The following AKT1 variants were observed in gnomAD, a reference collection of about 807,000 sequenced individuals.
The protein encoded by AKT1 is RAC-alpha serine/threonine-protein kinase.
Under a neutral mutation model 63.1 loss-of-function variants are expected in AKT1, and 21 were observed. The observed-to-expected ratio is 0.33, with a 90% CI of 0.24 to 0.48. The LOEUF (loss-of-function observed/expected upper bound fraction) is 0.48, where lower values mean the gene tolerates loss of function less well. Ranked by LOEUF, AKT1 falls within the 20% of genes least tolerant of loss-of-function variation. AKT1 has a pLI of 0.99. For missense variants in AKT1, 382 were observed against 666.0 expected, an observed-to-expected ratio of 0.57 and a Z score of 4.69; for synonymous variants, 257 against 253.1, an observed-to-expected ratio of 1.02 and a Z score of -0.15.
At chr14:104,775,423 G>A (rs1311615894) in intron 6 of AKT1, 6 of 1,100,028 alleles carry the variant, frequency 5.5e-6, no homozygotes, top group Non-Finnish European at 6.3e-6. Flanking sequence ...AGGGAAGGGT[G>A]GGGTAACATT....
At chr14:104,778,790 G>A (rs746492130) in intron 4 of AKT1, among the ~76,000 whole-genome samples, 3 of 152,202 alleles carry the variant, frequency 2.0e-5, no homozygotes, top group Non-Finnish European at 4.4e-5. Context: ...TCGGAGGACC[G>A]CAGGCCTCAA....
At chr14:104,782,532 G>A (rs1381176124) in intron 3 of AKT1, among the ~76,000 whole-genome samples, 1 of 152,190 alleles carries the variant, frequency 6.6e-6, no homozygotes, top group Admixed American at 6.5e-5. Context: ...GGTGCGGGAG[G>A]GGCAGGCCCA....
intron 2 of AKT1, 43 bp from the exon 3 acceptor site, chr14:104,792,765 T>C: frequency 8.0e-7 from 1 of 1,251,990 alleles, no homozygotes; most frequent in Non-Finnish European, 1.2e-6. Flanking sequence ...CACGCCTGGC[T>C]AAGGGCAGCT....
At position 104,773,922 on chromosome 14, in the gene AKT1, T is replaced by C. The variant is rs1595243377; in HGVS notation, c.692A>G (p.Asn231Ser). 1 of 1,611,100 alleles carries C rather than the reference T, an allele frequency of 6.2e-7. No individual in the cohort carries two copies. Residue 231 changes from asparagine (N) to serine (S), a missense_variant, in exon 9 of 15, where the codon AAC becomes AGC. Around this residue, in one of 3 missense-constraint regions of AKT1, gnomAD observed 226 missense variants for 366.4 expected, o/e 0.62. Transcript: ENST00000649815. Reference sequence around the variant, plus strand: ...AGCCCCAGCCCCTACCTCGCCCCCGTTGGCGTACTCCATGACAAAGCAGAG... The same window carrying C: ...AGCCCCAGCCCCTACCTCGCCCCCGCTGGCGTACTCCATGACAAAGCAGAG... ...DRLCFVMEYANGGELFFHLSR... is the reference protein window; with the variant it reads ...DRLCFVMEYASGGELFFHLSR...
At chr14:104,787,136 T>A (rs1893373812) in intron 3 of AKT1, among the ~76,000 whole-genome samples, 2 of 152,122 alleles carry the variant, frequency 1.3e-5, no homozygotes, top group Non-Finnish European at 2.9e-5. Flanking sequence ...GAGTCACCCA[T>A]GAACTCCCAA....
chr14:104,780,119 A>G lies in AKT1; in HGVS notation c.144T>C (p.Arg48=), dbSNP rs1411925087. 1.9e-6 allele frequency: 3 copies of G among 1,613,656 alleles called. No homozygotes were observed. ...CAGAGAAGTTGTTGAGGGGAGCCTC[A>G]CGTTGGTCCACATCCTGCGGCCGCT... ...YKERPQDVDQ[R]EAPLNNFSVA... The change falls in exon 4 of 15, where the codon CGT becomes CGC. Residue 48 remains arginine (R), a synonymous_variant. Transcript: ENST00000649815.
intron 3 of AKT1, among the ~76,000 whole-genome samples, chr14:104,784,058 C>T (rs1308359495): frequency 1.3e-5 from 2 of 152,152 alleles, no homozygotes; most frequent in African/African-American, 4.8e-5. Context: ...CGGTCCCACC[C>T]TCCTGCCCCA....
chr14:104,777,822 G>A (rs1055876472), intron 4 of AKT1: 6 of 654,590 alleles, frequency 9.2e-6, no homozygotes, highest in Non-Finnish European at 1.1e-5. Context: ...GGGCCAGGAG[G>A]GGGCTCGGGA....
At chr14:104,794,706 G>C (rs1160814952) in intron 1 of AKT1, among the ~76,000 whole-genome samples, 1 of 152,228 alleles carries the variant, frequency 6.6e-6, no homozygotes, top group South Asian at 2.1e-4. Context: ...AAGCAGTCAA[G>C]AAGTGGCCAC....
intron 11 of AKT1, 46 bp from the exon 12 acceptor site, chr14:104,773,138 G>C: frequency 6.2e-7 from 1 of 1,611,562 alleles, no homozygotes; most frequent in Non-Finnish European, 8.5e-7. Flanking sequence ...AGGGGTGTCC[G>C]GGACACTGCC....
chr14:104,780,643 C>T (rs530346826), intron 3 of AKT1, among the ~76,000 whole-genome samples: 1 of 152,338 alleles, frequency 6.6e-6, no homozygotes, highest in South Asian at 2.1e-4. Flanking sequence ...ACAGCATTCC[C>T]CAATCAACCA....
chr14:104,777,227 G>GGGC lies in AKT1; in HGVS notation c.176-458_176-457insGCC, dbSNP rs1892768800. 7.2e-5 allele frequency: 16 copies of GGGC among 220,988 alleles called. 3 individuals carry two copies. The highest frequency in any genetic ancestry group is 6.1e-4 in the South Asian group (13 of 21,230). 13.7% of individuals were successfully genotyped at this position (220,988 alleles called of 1,614,324 possible). On this transcript the variant is annotated intron_variant, in intron 4 of 14. Transcript: ENST00000649815. ...AGTACCTGGGAAATACAGCCACCTGGAGCACACCCACACCTGGGGCACACC... is the reference window on the plus strand; with the variant it reads ...AGTACCTGGGAAATACAGCCACCTGGGGCAGCACACCCACACCTGGGGCACACC...
chr14:104,778,070 C>G (rs1261521182), intron 4 of AKT1: 1 of 152,774 alleles, frequency 6.5e-6, no homozygotes, highest in East Asian at 1.9e-4. Context: ...TGGCCAGGCG[C>G]TCCAGGCCAC....
rs1893849685 is a variant in AKT1 at position 104,795,515 on chromosome 14, C to T, written c.-289G>A. On this transcript the variant is annotated 5_prime_UTR_variant, in exon 1 of 15. An upstream open reading frame in the 5' UTR loses its in-frame stop. Coordinates refer to ENST00000649815, the MANE Select transcript of AKT1 (RefSeq NM_001382430.1). The surrounding 1 kb of genome is among the most constrained non-coding windows in gnomAD (Gnocchi z 5.1). The stretch of plus-strand genomic sequence containing the variant: ...GCCGCGTCCGGGCGCGAGCGCGGGC[C>T]TAGCCGGGCCGCGGCCTCCGGCGCC... 2 of 145,806 alleles carry T rather than the reference C, an allele frequency of 1.4e-5. No homozygotes were observed. Among genetic ancestry groups the T allele is most frequent in the Admixed American group, 6.8e-5 (1 of 14,696 alleles). 9.0% of individuals were successfully genotyped at this position (145,806 alleles called of 1,614,324 possible). A position where few individuals can be genotyped will look rare whatever the true frequency, so the allele number is the denominator to read the frequency against.
chr14:104,771,928 A>C, intron 13 of AKT1: 1 of 290,362 alleles, frequency 3.4e-6, no homozygotes. Flanking sequence ...CTGCACAGCC[A>C]GAAATAGGGC....
intron 8 of AKT1, 179 bp from the exon 9 acceptor site, chr14:104,774,159 C>G: frequency 1.6e-6 from 1 of 619,090 alleles, no homozygotes; most frequent in Non-Finnish European, 2.9e-6. Context: ...CACACTGCCC[C>G]ACACCACACA....
intron 4 of AKT1, chr14:104,777,913 C>T (rs1457262239): frequency 6.4e-6 from 1 of 156,216 alleles, no homozygotes; most frequent in African/African-American, 2.4e-5. Context: ...ACACCCACCT[C>T]CCACTCGCTC....
intron 3 of AKT1, 115 bp from the exon 4 acceptor site, chr14:104,780,331 A>T: frequency 1.1e-5 from 16 of 1,415,150 alleles, no homozygotes; most frequent in East Asian, 1.0e-4. Flanking sequence ...CCTGAGTCCC[A>T]GGGGGCAGGC....
At chr14:104,772,007 C>A (rs1892414929) in intron 13 of AKT1, 1 of 443,608 alleles carries the variant, frequency 2.3e-6, no homozygotes, top group African/African-American at 2.0e-5. Context: ...AGGGGCAGCA[C>A]CCCTGGTCCA....
Sources: allele counts gnomAD v4.1 joint callset (sites outside exome capture counted in the v4.1 genomes callset), GRCh38; gene constraint gnomAD v4.1.1; regional missense constraint gnomAD v4.1.1; non-coding constraint Gnocchi (gnomAD v3.1); transcripts MANE v1.5; gene names NCBI Gene and HGNC (gene_info 2026-07-23, HGNC 2026-07-21).